FGF14: variants seen among roughly 807,000 people sequenced by gnomAD.
The protein encoded by FGF14 is fibroblast growth factor homologous factor 4.
In FGF14, 5 loss-of-function variants were observed where a neutral mutation model predicts 25.5. The ratio of observed to expected loss-of-function variants is 0.20; its 90% CI spans 0.10 to 0.41. The LOEUF (loss-of-function observed/expected upper bound fraction) is 0.41, where lower values mean the gene tolerates loss of function less well. FGF14 is among the 10% of genes least tolerant of loss of function. The probability of loss-of-function intolerance (pLI) is 1.00; values close to 1 mark genes in which losing one functional copy is unlikely to be tolerated. For synonymous variants in FGF14, 138 were observed against 118.3 expected (o/e 1.17, Z -1.08); for missense variants, 222 against 320.1 (o/e 0.69, Z 2.34).
chr13:102,350,342 C>G (rs1480024316), intron 1 of FGF14, among the ~76,000 whole-genome samples: 2 of 151,560 alleles, frequency 1.3e-5, no homozygotes. Context: ...GCACTGCACT[C>G]CAGCCTAGGT....
intron 1 of FGF14, among the ~76,000 whole-genome samples, chr13:102,309,167 C>CACACACACACACA (rs549521419): frequency 6.6e-6 from 1 of 151,532 alleles, no homozygotes; most frequent in Non-Finnish European, 1.5e-5. Flanking sequence ...CACACACACA[C>CACACACACACACA]ATCTCGCACA....
intron 3 of FGF14, among the ~76,000 whole-genome samples, chr13:101,772,332 C>A (rs530081725): frequency 1.1e-4 from 16 of 152,168 alleles, no homozygotes; most frequent in Admixed American, 6.6e-4. Flanking sequence ...TAATTAATAG[C>A]AAATCGTCTC....
chr13:102,084,733 C>T (rs1391270246), intron 1 of FGF14, among the ~76,000 whole-genome samples: 1 of 152,160 alleles, frequency 6.6e-6, no homozygotes, highest in Admixed American at 6.5e-5. Context: ...TTCCAGATAA[C>T]TTGTATTCCC....
intron 1 of FGF14, among the ~76,000 whole-genome samples, chr13:102,099,511 C>T (rs1720492314): frequency 1.3e-5 from 2 of 151,822 alleles, no homozygotes; most frequent in African/African-American, 4.8e-5. Flanking sequence ...AGACACTGCA[C>T]AAGGAAGTTT....
intron 1 of FGF14, among the ~76,000 whole-genome samples, chr13:101,993,686 C>CT (rs896927526): frequency 2.6e-5 from 4 of 151,816 alleles, no homozygotes; most frequent in African/African-American, 9.7e-5. Context: ...ATCACTAACA[C>CT]TTTTTTAAAA....
chr13:101,739,089 GTATATATATATATATATACATGTA>G lies in FGF14; in HGVS notation c.409-12303_409-12280del, dbSNP rs1314893000. Reference sequence around the variant, plus strand: ...CACCTCATAGTCTCATACTTTAACAGTATATATATATATATATACATGTATATATATATATATATATACCATTAC... The same window carrying G: ...CACCTCATAGTCTCATACTTTAACAGTATATATATATATATATACCATTAC... On this transcript the variant is annotated intron_variant, in intron 3 of 4. Transcript: ENST00000376143. 1.4e-3 allele frequency among the ~76,000 whole-genome samples: 166 copies of G among 114,802 alleles called. 1 individual carries two copies. Among genetic ancestry groups the G allele is most frequent in the African/African-American group, 4.7e-3 (145 of 31,078 alleles). The allele number at this position is 114,802 out of a possible 152,430, so 75.3% of individuals were successfully genotyped here. A position where few individuals can be genotyped will look rare whatever the true frequency, so the allele number is the denominator to read the frequency against.
In FGF14 at chr13:101,718,286, C is replaced by T. The variant is rs1223222690; in HGVS notation, c.*4545G>A. 6.6e-6 allele frequency: 1 copy of T among 151,980 alleles called. No homozygotes were observed. Among genetic ancestry groups the T allele is most frequent in the East Asian group, 1.9e-4 (1 of 5,170 alleles). 9.4% of individuals were successfully genotyped at this position (151,980 alleles called of 1,614,324 possible). A position where few individuals can be genotyped will look rare whatever the true frequency, so the allele number is the denominator to read the frequency against. On this transcript the variant is annotated 3_prime_UTR_variant, in exon 5 of 5. Transcript: ENST00000376143. Reference sequence around the variant, plus strand: ...GCCAGCAATGCAAACACCAATATATCTATTAAGAAGTGATTGAATTTAGAT... The same window carrying T: ...GCCAGCAATGCAAACACCAATATATTTATTAAGAAGTGATTGAATTTAGAT...
At chr13:101,796,139 T>G (rs367747438) in intron 3 of FGF14, among the ~76,000 whole-genome samples, 1 of 152,260 alleles carries the variant, frequency 6.6e-6, no homozygotes, top group African/African-American at 2.4e-5. Context: ...TTCCACTGAG[T>G]GGTCATGTTT....
intron 1 of FGF14, among the ~76,000 whole-genome samples, chr13:102,015,869 C>T (rs2040313738): frequency 6.6e-6 from 1 of 152,156 alleles, no homozygotes; most frequent in Admixed American, 6.6e-5. Context: ...CTTATATTTT[C>T]AGCTTCAATA....
intron 1 of FGF14, among the ~76,000 whole-genome samples, chr13:102,051,488 AC>A (rs2042214044): frequency 6.6e-6 from 1 of 152,038 alleles, no homozygotes; most frequent in East Asian, 1.9e-4. Flanking sequence ...CACAAGCCAG[AC>A]CCAGTGCCCC....
chr13:101,806,400 CAG>C (rs2041200002), intron 3 of FGF14, among the ~76,000 whole-genome samples: 1 of 132,914 alleles, frequency 7.5e-6, no homozygotes, highest in South Asian at 2.3e-4. Flanking sequence ...GCCTGGGTGA[CAG>C]AGCAAGACTC....
chr13:102,242,512 G>A (rs2051652531), intron 1 of FGF14, among the ~76,000 whole-genome samples: 1 of 152,068 alleles, frequency 6.6e-6, no homozygotes, highest in Non-Finnish European at 1.5e-5. Flanking sequence ...GAGCAAGAGA[G>A]ATAGAGAGAG....
At chr13:101,747,779 T>C (rs2036983692) in intron 3 of FGF14, among the ~76,000 whole-genome samples, 2 of 151,368 alleles carry the variant, frequency 1.3e-5, no homozygotes, top group African/African-American at 2.4e-5. Context: ...AACAACAACA[T>C]CAGCAACAAC....
intron 1 of FGF14, among the ~76,000 whole-genome samples, chr13:102,295,939 G>A (rs547897232): frequency 1.8e-4 from 27 of 152,136 alleles, no homozygotes; most frequent in African/African-American, 5.5e-4. Flanking sequence ...AAATGGAGTT[G>A]AAAAATAAAG....
intron 1 of FGF14, among the ~76,000 whole-genome samples, chr13:101,941,238 T>C (rs1386241852): frequency 6.6e-6 from 1 of 152,224 alleles, no homozygotes; most frequent in Non-Finnish European, 1.5e-5. Context: ...TCATCATCGA[T>C]ATGCACAGCC....
intron 1 of FGF14, among the ~76,000 whole-genome samples, chr13:102,245,421 G>A (rs935582290): frequency 9.2e-5 from 14 of 152,080 alleles, no homozygotes; most frequent in Admixed American, 4.6e-4. Context: ...AAAGGCTCAT[G>A]TTGGCCTTAT....
At chr13:102,125,463 C>T (rs576121261) in intron 1 of FGF14, among the ~76,000 whole-genome samples, 5 of 152,222 alleles carry the variant, frequency 3.3e-5, no homozygotes, top group South Asian at 2.1e-4. Context: ...ATAGACACAA[C>T]GCTTCACCTA....
At chr13:101,950,352 A>G (rs2139384162) in intron 1 of FGF14, among the ~76,000 whole-genome samples, 2 of 152,362 alleles carry the variant, frequency 1.3e-5, no homozygotes, top group East Asian at 3.9e-4. Flanking sequence ...AAAAAGCAAC[A>G]TTAGTTATCC....
At chr13:102,335,716 T>C (rs2056770881) in intron 1 of FGF14, among the ~76,000 whole-genome samples, 1 of 152,194 alleles carries the variant, frequency 6.6e-6, no homozygotes. Flanking sequence ...TGTGCTTTGT[T>C]ACAAATTGAA....
Sources: allele counts gnomAD v4.1 joint callset (sites outside exome capture counted in the v4.1 genomes callset), GRCh38; gene constraint gnomAD v4.1.1; transcripts MANE v1.5; gene names NCBI Gene and HGNC (gene_info 2026-07-23, HGNC 2026-07-21).